The following LRRC1 variants were observed in gnomAD, a reference collection of about 807,000 sequenced individuals.
LRRC1 encodes leucine-rich repeat-containing protein 1.
A neutral mutation model predicts 69.9 loss-of-function variants in LRRC1; 28 were observed. The ratio of observed to expected loss-of-function variants is 0.40; its 90% CI spans 0.30 to 0.55. LRRC1 has a LOEUF of 0.55. LRRC1 is among the 20% of genes least tolerant of loss of function. The pLI is 0.47. For synonymous variants in LRRC1, 236 were observed against 240.2 expected (o/e 0.98, Z 0.16); for missense variants, 498 against 609.0 (o/e 0.82, Z 1.92).
rs772051953 is a variant in LRRC1, at chr6:53,894,347, G to T, written c.447-2151G>T. Among the ~76,000 whole-genome samples the T allele has an allele frequency of 2.0e-5, 3 of 152,290 alleles. No homozygotes were observed. In the East Asian group the frequency reaches 5.8e-4, roughly 29 times the overall value. ...CTTAGCAGGCTGGTTTCTCCCCCTT[G>T]GCTCTGGTCTATGTTTCAGGCAGGA... On this transcript the variant is annotated intron_variant, in intron 4 of 13. Transcript: ENST00000370888.
At chr6:53,861,395 T>C (rs910654550) in intron 2 of LRRC1, among the ~76,000 whole-genome samples, 19 of 151,088 alleles carry the variant, frequency 1.3e-4, no homozygotes, top group African/African-American at 4.4e-4. Context: ...TCCCTCAGTG[T>C]TTTTTAGAGG....
At chr6:53,801,277 A>G (rs1455767950) in intron 1 of LRRC1, among the ~76,000 whole-genome samples, 2 of 152,260 alleles carry the variant, frequency 1.3e-5, no homozygotes, top group African/African-American at 4.8e-5. Flanking sequence ...GCAGCCATAC[A>G]GTGTCTGCAA....
chr6:53,839,412 T>C (rs1197882320), intron 1 of LRRC1, among the ~76,000 whole-genome samples: 1 of 152,210 alleles, frequency 6.6e-6, no homozygotes, highest in Non-Finnish European at 1.5e-5. Flanking sequence ...TAGAGACTTC[T>C]TCATTTGTAA....
chr6:53,900,047 T>C (rs1250510382), intron 8 of LRRC1, among the ~76,000 whole-genome samples, 156 bp downstream of exon 8: 1 of 94,970 alleles, frequency 1.1e-5, no homozygotes, highest in East Asian at 3.7e-4. Context: ...TTTTTTTTTT[T>C]TTTTTTCTGA....
chr6:53,898,491 C>A (rs1325879740), intron 7 of LRRC1, among the ~76,000 whole-genome samples: 2 of 152,070 alleles, frequency 1.3e-5, no homozygotes, highest in African/African-American at 4.8e-5. Context: ...AATGACTGTG[C>A]AAAGTGTGAT....
chr6:53,904,954 A>G (rs187820957), intron 10 of LRRC1: 1 of 152,782 alleles, frequency 6.5e-6, no homozygotes, highest in Admixed American at 6.5e-5. Context: ...AGGCATACAC[A>G]TAGAGGAAGG....
chr6:53,915,034 T>C (rs1768521484), intron 11 of LRRC1, among the ~76,000 whole-genome samples: 1 of 152,220 alleles, frequency 6.6e-6, no homozygotes, highest in Non-Finnish European at 1.5e-5. Context: ...AGCAGCCCAC[T>C]GCAGAATGTC....
chr6:53,810,951 C>G (rs757590794), intron 1 of LRRC1, among the ~76,000 whole-genome samples: 1 of 152,140 alleles, frequency 6.6e-6, no homozygotes, highest in South Asian at 2.1e-4. Context: ...TAATGAGATT[C>G]ATCAGGACAG....
intron 2 of LRRC1, among the ~76,000 whole-genome samples, chr6:53,846,720 A>G (rs1581869996): frequency 6.6e-6 from 1 of 152,264 alleles, no homozygotes; most frequent in Non-Finnish European, 1.5e-5. Context: ...CATTTTGTCT[A>G]CAAAAAGTGT....
At chr6:53,842,046 A>T in intron 1 of LRRC1, 64 bp from the exon 2 acceptor site, 1 of 1,010,106 alleles carries the variant, frequency 9.9e-7, no homozygotes, top group South Asian at 1.4e-5. Context: ...TACATTTCAT[A>T]GTAGCCCAAA....
At chr6:53,855,742 C>G (rs1030751047) in intron 2 of LRRC1, among the ~76,000 whole-genome samples, 1 of 152,142 alleles carries the variant, frequency 6.6e-6, no homozygotes, top group African/African-American at 2.4e-5. Flanking sequence ...CAGGGAGCAC[C>G]TTTGCTTTAA....
chr6:53,902,837 C>A, intron 9 of LRRC1, 90 bp downstream of exon 9: 1 of 791,146 alleles, frequency 1.3e-6, no homozygotes, highest in South Asian at 2.1e-5. Context: ...GAAATTTCTT[C>A]ATATTACATC....
Position 53,902,634 on chromosome 6 carries a change from C to A in LRRC1, c.793C>A (p.Leu265Ile). The change falls in exon 9 of 14, where the codon CTA becomes ATA. Residue 265 changes from leucine to isoleucine, a missense_variant. Leu to Ile is a conservative substitution (Grantham distance 5). This residue lies in a region of LRRC1 where 266 missense variants were observed against 383.9 expected (regional missense o/e 0.69). Coordinates refer to ENST00000370888, the MANE Select transcript of LRRC1 (RefSeq NM_018214.5). ...TAATCATAATGCTTTTACAGGAAAA[C>A]TAAAGAAACTGTCAATCTTGAAGGT... ...LETIPDGIGK[L>I]KKLSILKVDQ... 1 of 1,576,272 alleles carries A rather than the reference C, an allele frequency of 6.3e-7. No homozygotes were observed. Among genetic ancestry groups the A allele is most frequent in the Non-Finnish European group, 8.6e-7 (1 of 1,159,382 alleles).
At chr6:53,824,253 A>T (rs1311002271) in intron 1 of LRRC1, among the ~76,000 whole-genome samples, 4 of 150,844 alleles carry the variant, frequency 2.7e-5, no homozygotes, top group African/African-American at 9.8e-5. Flanking sequence ...AGTGATGCTG[A>T]GCTTTTTTTT....
chr6:53,903,959 C>T (rs552470165), intron 9 of LRRC1, among the ~76,000 whole-genome samples: 11 of 152,348 alleles, frequency 7.2e-5, no homozygotes, highest in South Asian at 4.1e-4. Flanking sequence ...CCTGCCCATG[C>T]GGCACCCTGC....
chr6:53,859,097 C>T (rs1345204067), intron 2 of LRRC1, among the ~76,000 whole-genome samples: 3 of 152,106 alleles, frequency 2.0e-5, no homozygotes, highest in Admixed American at 1.3e-4. Context: ...GGACAAAACA[C>T]GGTCATATCC....
chr6:53,886,938 G>C (rs746623489), intron 4 of LRRC1, among the ~76,000 whole-genome samples: 3 of 152,144 alleles, frequency 2.0e-5, no homozygotes, highest in Non-Finnish European at 2.9e-5. Context: ...AGGAACCTTG[G>C]TTGTCCAGTT....
chr6:53,883,142 G>A (rs1342682531), intron 4 of LRRC1, among the ~76,000 whole-genome samples, 166 bp downstream of exon 4: 1 of 152,092 alleles, frequency 6.6e-6, no homozygotes, highest in African/African-American at 2.4e-5. Flanking sequence ...CTATGTTTTT[G>A]CATCTAATTT....
chr6:53,866,599 T>G (rs1233607617), intron 2 of LRRC1, among the ~76,000 whole-genome samples: 1 of 152,148 alleles, frequency 6.6e-6, no homozygotes, highest in Non-Finnish European at 1.5e-5. Context: ...GTGGAAGGCC[T>G]CATTATTTGG....
Sources: gnomAD v4.1 joint callset for allele counts (sites outside exome capture counted in the v4.1 genomes callset) on GRCh38, gnomAD v4.1.1 for gene constraint, gnomAD v4.1.1 regional missense constraint, MANE v1.5 for transcripts, NCBI Gene and HGNC (gene_info 2026-07-23, HGNC 2026-07-21) for gene names.